AFTPH: variants seen among roughly 807,000 people sequenced by gnomAD.
AFTPH encodes aftiphilin protein.
AFTPH carries 7 observed loss-of-function variants against 72.5 expected under a neutral mutation model. The observed-to-expected ratio is 0.10, with a 90% confidence interval of 0.05 to 0.18. The LOEUF is 0.18. Ranked by LOEUF, AFTPH falls within the 10% of genes least tolerant of loss-of-function variation. The pLI, the probability that AFTPH is intolerant of heterozygous loss-of-function variation, is 1.00. For synonymous variants in AFTPH, 337 were observed against 370.1 expected, an observed-to-expected ratio of 0.91 and a Z score of 1.03; for missense variants, 979 against 1,060.5, an observed-to-expected ratio of 0.92 and a Z score of 1.07.
intron 1 of AFTPH, among the ~76,000 whole-genome samples, chr2:64,536,061 G>A (rs1355074560): frequency 6.6e-6 from 1 of 152,204 alleles, no homozygotes; most frequent in East Asian, 1.9e-4. Flanking sequence ...TTAGAATATA[G>A]TGTAGGAACA....
chr2:64,583,830 G>GT (rs763491315), intron 7 of AFTPH, among the ~76,000 whole-genome samples: 31 of 152,076 alleles, frequency 2.0e-4, no homozygotes, highest in Non-Finnish European at 4.3e-4. Context: ...GTTAGACTTC[G>GT]TAACTGTGGA....
intron 2 of AFTPH, among the ~76,000 whole-genome samples, chr2:64,560,107 T>C (rs1008542148): frequency 2.6e-5 from 4 of 152,108 alleles, no homozygotes; most frequent in Admixed American, 1.3e-4. Context: ...CATATATAGC[T>C]TTCAGGATTT....
At chr2:64,535,604 G>T (rs1213776174) in intron 1 of AFTPH, among the ~76,000 whole-genome samples, 1 of 152,096 alleles carries the variant, frequency 6.6e-6, no homozygotes, top group African/African-American at 2.4e-5. Context: ...TGAATAAACT[G>T]GTGTATGAAT....
chr2:64,553,455 G>A, intron 2 of AFTPH, 46 bp downstream of exon 2: 1 of 1,497,288 alleles, frequency 6.7e-7, no homozygotes, highest in Non-Finnish European at 8.9e-7. Flanking sequence ...TAATTGTTGT[G>A]GAGGCTTCTA....
At chr2:64,582,600 T>A (rs1256575064) in intron 7 of AFTPH, among the ~76,000 whole-genome samples, 3 of 152,174 alleles carry the variant, frequency 2.0e-5, no homozygotes, top group Non-Finnish European at 4.4e-5. Flanking sequence ...GAGCTAATTG[T>A]CTGACATTTT....
At chr2:64,585,636 A>G (rs1047815851) in intron 8 of AFTPH, 91 bp downstream of exon 9, 3 of 1,381,072 alleles carry the variant, frequency 2.2e-6, no homozygotes, top group African/African-American at 1.5e-5. Flanking sequence ...GCATTTCAAT[A>G]TATTATATCA....
At chr2:64,549,695 A>G (rs183745045) in intron 1 of AFTPH, among the ~76,000 whole-genome samples, 1 of 152,288 alleles carries the variant, frequency 6.6e-6, no homozygotes, top group East Asian at 1.9e-4. Context: ...TAAGAATTAA[A>G]TGTATTAAAA....
exon 2 of AFTPH, chr2:64,552,006 T>C: frequency 5.0e-6 from 8 of 1,613,940 alleles, no homozygotes; most frequent in Non-Finnish European, 5.9e-6. Context: ...AAAGCCTCCT[T>C]GTCTGGAGAT....
At chr2:64,559,602 C>T (rs747335589) in intron 2 of AFTPH, among the ~76,000 whole-genome samples, 2 of 152,184 alleles carry the variant, frequency 1.3e-5, no homozygotes, top group African/African-American at 2.4e-5. Context: ...ATGAGGCCTA[C>T]CCACATTAGG....
chr2:64,579,684 C>T lies in AFTPH; in HGVS notation c.2455+138C>T, dbSNP rs1431679971. The T allele has an allele frequency of 9.1e-5, 66 of 724,958 alleles. 2 individuals carry two copies. The highest frequency in any genetic ancestry group is 1.4e-4 in the Non-Finnish European group (63 of 451,026). 44.9% of individuals were successfully genotyped at this position (724,958 alleles called of 1,614,324 possible). ...ATCTTTGGAAATTCAGGCTTTCTTTCTGAACAGTAATTGCTCAAGAAACCA... is the reference window on the plus strand; with the variant it reads ...ATCTTTGGAAATTCAGGCTTTCTTTTTGAACAGTAATTGCTCAAGAAACCA... On this transcript the variant is annotated intron_variant, in intron 7 of 8. Coordinates refer to ENST00000238856, the Ensembl canonical transcript of AFTPH.
At chr2:64,557,360 G>A (rs1422525048) in intron 2 of AFTPH, among the ~76,000 whole-genome samples, 1 of 152,216 alleles carries the variant, frequency 6.6e-6, no homozygotes, top group Non-Finnish European at 1.5e-5. Flanking sequence ...ACATCCAATT[G>A]ATAATGCTAC....
At chr2:64,526,721 A>G (rs79185656) in intron 1 of AFTPH, among the ~76,000 whole-genome samples, 419 of 152,302 alleles carry the variant, frequency 2.8e-3, no homozygotes, top group African/African-American at 9.7e-3. Context: ...TATAGTCACA[A>G]GTTCTTTTGC....
At chr2:64,572,534 C>T (rs751294817) in intron 5 of AFTPH, among the ~76,000 whole-genome samples, 4 of 152,110 alleles carry the variant, frequency 2.6e-5, no homozygotes, top group Non-Finnish European at 4.4e-5. Flanking sequence ...TGTTGTCTCC[C>T]CCCACCCATC....
intron 1 of AFTPH, among the ~76,000 whole-genome samples, chr2:64,534,622 A>T (rs1185066961): frequency 6.6e-6 from 1 of 152,176 alleles, no homozygotes; most frequent in East Asian, 1.9e-4. Context: ...GATTTTAATC[A>T]GATTAGCAGT....
In AFTPH at chr2:64,553,811, TC is replaced by T. The variant is rs1448725624; in HGVS notation, c.1935+403del. Among the ~76,000 whole-genome samples, 5 of 128,744 alleles carry T rather than the reference TC, an allele frequency of 3.9e-5. No individual in the cohort carries two copies. The East Asian group carries it at 6.2e-4, about 16-fold the overall frequency. The allele number at this position is 128,744 out of a possible 152,430, so 84.5% of individuals were successfully genotyped here. ...AAAGAAGGTTAAACTGAGATTTGGA[TC>T]TTTTTTTTTTTAAGCTTAAGAATAG... On this transcript the variant is annotated intron_variant, in intron 2 of 8. Transcript: ENST00000238856.
At chr2:64,592,034 A>G (rs781685092) in exon 9 of AFTPH, 3 of 1,613,426 alleles carry the variant, frequency 1.9e-6, no homozygotes, top group Non-Finnish European at 2.5e-6. Flanking sequence ...GCAGACGGAT[A>G]ACTGATGTGA....
intron 8 of AFTPH, among the ~76,000 whole-genome samples, chr2:64,590,424 C>T (rs1418412219): frequency 1.3e-5 from 2 of 152,124 alleles, no homozygotes; most frequent in Non-Finnish European, 2.9e-5. Flanking sequence ...TCAGAAGATC[C>T]ATACATCTGG....
In AFTPH at chr2:64,552,330, G is replaced by A. The variant is rs1195667972; in HGVS notation, c.856G>A (p.Asp286Asn). 1.9e-6 allele frequency: 3 copies of A among 1,613,994 alleles called. No individual in the cohort carries two copies. The African/African-American group carries it at 4.0e-5, about 22-fold the overall frequency. The change falls in exon 2 of 9, where the codon GAT becomes AAT. Residue 286 changes from aspartate to asparagine, a missense_variant. By Grantham distance (23) the Asp-to-Asn change is conservative (BLOSUM62 1). Coordinates refer to ENST00000238856, the Ensembl canonical transcript of AFTPH. ...AGAAGTGGCTTTGGGTAGAAGCTTGGATAACAAAGGAGACACTGATGGAGA... is the reference window on the plus strand; with the variant it reads ...AGAAGTGGCTTTGGGTAGAAGCTTGAATAACAAAGGAGACACTGATGGAGA...
exon 2 of AFTPH, chr2:64,553,279 C>G: frequency 6.2e-7 from 1 of 1,614,090 alleles, no homozygotes; most frequent in Non-Finnish European, 8.5e-7. Context: ...CGAAAGGAAG[C>G]CTGGCAGTCA....
Sources: gnomAD v4.1 joint callset for allele counts (sites outside exome capture counted in the v4.1 genomes callset) on GRCh38, gnomAD v4.1.1 for gene constraint, MANE v1.5 for transcripts, NCBI Gene and HGNC (gene_info 2026-07-23, HGNC 2026-07-21) for gene names.